The following TMEM135 variants were observed in gnomAD, a reference collection of about 807,000 sequenced individuals.
TMEM135 encodes peroxisomal membrane protein 52.
Under a neutral mutation model 60.3 loss-of-function variants are expected in TMEM135, and 30 were observed. The ratio of observed to expected loss-of-function variants is 0.50; its 90% confidence interval spans 0.37 to 0.68. TMEM135 has a LOEUF of 0.68. TMEM135 is among the 30% of genes least tolerant of loss of function. The pLI is 0.00. For missense variants in TMEM135, 468 were observed against 548.8 expected, an observed-to-expected ratio of 0.85 and a Z score of 1.47; for synonymous variants, 190 against 186.7, an observed-to-expected ratio of 1.02 and a Z score of -0.14.
At chr11:87,259,082 G>C in intron 6 of TMEM135, 1 of 1,163,060 alleles carries the variant, frequency 8.6e-7, no homozygotes, top group Non-Finnish European at 1.3e-6. Flanking sequence ...AGAAAGAAGA[G>C]GTTCTGGCCG....
At chr11:87,192,069 C>T (rs1283779959) in intron 5 of TMEM135, among the ~76,000 whole-genome samples, 1 of 148,082 alleles carries the variant, frequency 6.8e-6, no homozygotes, top group African/African-American at 2.5e-5. Context: ...GCAACCTCCA[C>T]CTCCTGGGAT....
At chr11:87,071,384 G>T (rs1312098248) in intron 2 of TMEM135, 139 bp from the exon 3 acceptor site, 21 of 686,600 alleles carry the variant, frequency 3.1e-5, no homozygotes, top group Non-Finnish European at 5.2e-5. Context: ...CAGATAATGA[G>T]TTTGATTTTG....
At chr11:87,152,113 C>G (rs1316441833) in intron 4 of TMEM135, among the ~76,000 whole-genome samples, 1 of 152,170 alleles carries the variant, frequency 6.6e-6, no homozygotes, top group Non-Finnish European at 1.5e-5. Flanking sequence ...TAAGGTTCTG[C>G]TGAACAAATT....
chr11:87,145,482 T>G (rs993480992), intron 4 of TMEM135, among the ~76,000 whole-genome samples: 1 of 152,218 alleles, frequency 6.6e-6, no homozygotes, highest in African/African-American at 2.4e-5. Context: ...CAGTTCTATT[T>G]TTAGTGTTTT....
At chr11:87,266,432 T>C (rs1340433539) in intron 6 of TMEM135, among the ~76,000 whole-genome samples, 1 of 152,212 alleles carries the variant, frequency 6.6e-6, no homozygotes, top group African/African-American at 2.4e-5. Context: ...TATATGTATG[T>C]ATATATAGCA....
rs1189120308 is a variant in TMEM135, at chr11:87,246,639, T to C, written c.509+9955T>C. On this transcript the variant is annotated intron_variant, in intron 6 of 14. Coordinates refer to ENST00000305494, the MANE Select transcript of TMEM135 (RefSeq NM_022918.4). ...ACTGATACCCTTTTTTCCAGTTGAT[T>C]GTGTCGGCTCCTGAGGCTTCTGCAT... 5.3e-5 allele frequency among the ~76,000 whole-genome samples: 8 copies of C among 150,652 alleles called. No individual in the cohort carries two copies. In the East Asian group the frequency reaches 1.4e-3, roughly 26 times the overall value.
intron 5 of TMEM135, among the ~76,000 whole-genome samples, chr11:87,222,773 C>G (rs1023719706): frequency 1.1e-4 from 16 of 151,782 alleles, no homozygotes; most frequent in Admixed American, 5.3e-4. Flanking sequence ...CCATTGCACT[C>G]CAGCCTGGGC....
In TMEM135 at chr11:87,138,396, T is replaced by C. The variant is rs145918186; in HGVS notation, c.397-18945T>C. Among the ~76,000 whole-genome samples the C allele has an allele frequency of 2.0e-5, 3 of 152,308 alleles. No homozygotes were observed. In the East Asian group the frequency reaches 5.8e-4, roughly 29 times the overall value. On this transcript the variant is annotated intron_variant, in intron 4 of 14. Coordinates refer to ENST00000305494, the MANE Select transcript of TMEM135 (RefSeq NM_022918.4). ...TTGAGCCACTGCGCCCAGCTCCAAA[T>C]TGATTTCATTAATATGAAAAGCTAA...
chr11:87,298,046 C>T (rs899356008), intron 7 of TMEM135, among the ~76,000 whole-genome samples: 6 of 152,174 alleles, frequency 3.9e-5, no homozygotes, highest in African/African-American at 1.4e-4. Context: ...AATATGTGTG[C>T]TTCTTGTAGG....
chr11:87,228,411 T>G (rs1375154957), intron 5 of TMEM135, among the ~76,000 whole-genome samples: 1 of 152,190 alleles, frequency 6.6e-6, no homozygotes, highest in Non-Finnish European at 1.5e-5. Context: ...ACCAGATTAA[T>G]TTTTGTTGAA....
chr11:87,242,870 G>C (rs1163889698), intron 6 of TMEM135, among the ~76,000 whole-genome samples: 2 of 147,698 alleles, frequency 1.4e-5, no homozygotes, highest in Non-Finnish European at 3.0e-5. Context: ...GATCCCATTT[G>C]TCAATTTTGG....
intron 5 of TMEM135, among the ~76,000 whole-genome samples, chr11:87,192,910 T>C (rs1339168993): frequency 1.3e-5 from 2 of 151,838 alleles, no homozygotes; most frequent in Non-Finnish European, 2.9e-5. Context: ...AGATCAGGAG[T>C]TCAAGGCCAG....
chr11:87,280,316 TA>T (rs1357184450), intron 6 of TMEM135, among the ~76,000 whole-genome samples: 2 of 152,224 alleles, frequency 1.3e-5, no homozygotes, highest in African/African-American at 4.8e-5. Context: ...GTATCTTTGT[TA>T]AACATAGGTC....
chr11:87,057,528 G>C (rs1019422957), intron 1 of TMEM135, among the ~76,000 whole-genome samples: 9 of 152,104 alleles, frequency 5.9e-5, no homozygotes, highest in Non-Finnish European at 2.9e-5. Context: ...TGCGATTTAT[G>C]ATGCGATTTC....
At chr11:87,194,287 C>T (rs901250621) in intron 5 of TMEM135, among the ~76,000 whole-genome samples, 3 of 152,162 alleles carry the variant, frequency 2.0e-5, no homozygotes, top group Admixed American at 6.5e-5. Flanking sequence ...AATACCTCCA[C>T]AAGACAACTG....
rs115492429 is a variant in TMEM135, at chr11:87,271,287, T to A, written c.510-24495T>A. Among the ~76,000 whole-genome samples the A allele has an allele frequency of 2.0e-3, 303 of 152,326 alleles. 2 individuals are homozygous for A. Among genetic ancestry groups the A allele is most frequent in the African/African-American group, 7.0e-3 (290 of 41,586 alleles). On this transcript the variant is annotated intron_variant, in intron 6 of 14. Transcript: ENST00000305494. ...AAGAGCTACAGTATGGTCACATTAA[T>A]GTACTATGAATTTTTTTATGATTTC...
chr11:87,079,545 C>A (rs183071290), intron 3 of TMEM135, among the ~76,000 whole-genome samples: 4 of 152,014 alleles, frequency 2.6e-5, no homozygotes, highest in Non-Finnish European at 5.9e-5. Context: ...ATTTTCTATA[C>A]AGACAATTAT....
Position 87,323,320 on chromosome 11 carries a change from G to A in TMEM135, c.*1987G>A, listed in dbSNP as rs1038385047. 4 of 453,900 alleles carry A rather than the reference G, an allele frequency of 8.8e-6. No individual in the cohort carries two copies. The highest frequency in any genetic ancestry group is 1.3e-5 in the Non-Finnish European group (3 of 226,762). The allele number at this position is 453,900 out of a possible 1,614,324, so 28.1% of individuals were successfully genotyped here. ...ATACAATGATGAATGTATAGGTTGA[G>A]TGAATAACCAATTTGCAGTGGTGGA... On this transcript the variant is annotated 3_prime_UTR_variant, in exon 15 of 15. Transcript: ENST00000305494.
At chr11:87,042,906 A>G (rs2512499) in intron 1 of TMEM135, among the ~76,000 whole-genome samples, 48,910 of 150,982 alleles carry the variant, frequency 0.32, 9,694 homozygotes, top group East Asian at 0.59. Context: ...TGTTTTCACA[A>G]TTTGTAAAGA....
Sources: gnomAD v4.1 joint callset for allele counts (sites outside exome capture counted in the v4.1 genomes callset) on GRCh38, gnomAD v4.1.1 for gene constraint, MANE v1.5 for transcripts, NCBI Gene and HGNC (gene_info 2026-07-23, HGNC 2026-07-21) for gene names.